Variants in PIKFYVE observed in about 807,000 individuals in gnomAD.
The protein encoded by PIKFYVE is 1-phosphatidylinositol 3-phosphate 5-kinase.
In PIKFYVE, 122 loss-of-function variants were observed where a neutral mutation model predicts 257.9. The ratio of observed to expected loss-of-function variants is 0.47; its 90% confidence interval spans 0.41 to 0.55. The LOEUF (loss-of-function observed/expected upper bound fraction) is 0.55, where lower values mean the gene tolerates loss of function less well. Among genes scored for constraint, PIKFYVE ranks in the 20% least tolerant of loss-of-function variants. PIKFYVE has a pLI of 0.00. For synonymous variants in PIKFYVE, 892 were observed against 868.9 expected (o/e 1.03, Z -0.47); for missense variants, 2,160 against 2,536.6 (o/e 0.85, Z 3.19).
At chr2:208,287,267 T>C (rs1292603556) in intron 6 of PIKFYVE, among the ~76,000 whole-genome samples, 1 of 56,230 alleles carries the variant, frequency 1.8e-5, no homozygotes, top group Non-Finnish European at 3.9e-5. Flanking sequence ...ACTTTTTCTT[T>C]TTCTTTTTTT....
At chr2:208,339,283 T>C (rs920899138) in intron 29 of PIKFYVE, 135 bp from the exon 30 acceptor site, 2 of 945,308 alleles carry the variant, frequency 2.1e-6, no homozygotes, top group Non-Finnish European at 3.3e-6. Flanking sequence ...ATGAGCTATA[T>C]GACCTAGATG....
At position 208,336,212 on chromosome 2, in the gene PIKFYVE, C is replaced by T. The variant is rs1698128109; in HGVS notation, c.4520+12C>T. The T allele has an allele frequency of 6.2e-7, 1 of 1,613,748 alleles. No individual in the cohort carries two copies. The highest frequency in any genetic ancestry group is 8.5e-7 in the Non-Finnish European group (1 of 1,179,852). On this transcript the variant is annotated intron_variant, in intron 27 of 41. Coordinates refer to ENST00000264380, the MANE Select transcript of PIKFYVE (RefSeq NM_015040.4). Reference sequence around the variant, plus strand: ...GCTTGGAATAACAGGTGTGATTTTGCAGTCTGGTTTTCTTTAATATTATTG... The same window carrying T: ...GCTTGGAATAACAGGTGTGATTTTGTAGTCTGGTTTTCTTTAATATTATTG...
chr2:208,345,468 T>C (rs1434345463), intron 33 of PIKFYVE, among the ~76,000 whole-genome samples: 1 of 152,158 alleles, frequency 6.6e-6, no homozygotes, highest in Non-Finnish European at 1.5e-5. Flanking sequence ...GAAAAGGTGT[T>C]TTTATTTAAA....
chr2:208,299,027 A>G (rs1038307090), intron 8 of PIKFYVE, among the ~76,000 whole-genome samples: 3 of 151,696 alleles, frequency 2.0e-5, no homozygotes, highest in Non-Finnish European at 2.9e-5. Flanking sequence ...TTTAGTAGAG[A>G]CATGGTTTCG....
intron 17 of PIKFYVE, among the ~76,000 whole-genome samples, chr2:208,322,912 T>G (rs1696446434): frequency 7.2e-6 from 1 of 139,064 alleles, no homozygotes; most frequent in South Asian, 2.5e-4. Context: ...GTTCTCAATG[T>G]TGAATTCCCA....
chr2:208,348,800 A>C (rs1487542330), intron 35 of PIKFYVE, among the ~76,000 whole-genome samples: 2 of 152,062 alleles, frequency 1.3e-5, no homozygotes, highest in Admixed American at 6.6e-5. Context: ...GAACTTTTTC[A>C]GAGTGAAATA....
chr2:208,276,611 A>G, intron 3 of PIKFYVE, 101 bp from the exon 4 acceptor site: 2 of 856,124 alleles, frequency 2.3e-6, no homozygotes, highest in South Asian at 2.7e-5. Context: ...GAACATAATT[A>G]TATGCCAACA....
Position 208,273,683 on chromosome 2 carries a change from C to G in PIKFYVE, c.272C>G (p.Pro91Arg). 3 of 1,614,138 alleles carry G rather than the reference C, an allele frequency of 1.9e-6. No homozygotes were observed. Among genetic ancestry groups the G allele is most frequent in the Non-Finnish European group, 2.5e-6 (3 of 1,180,024 alleles). Residue 91 changes from proline to arginine, a missense_variant, in exon 3 of 42, where the codon CCT (proline) becomes CGT (arginine). By Grantham distance (103) the Pro-to-Arg change is moderately radical. This residue lies in a region of PIKFYVE where 172 missense variants were observed against 180.6 expected (regional missense o/e 0.95). Coordinates refer to ENST00000264380, the MANE Select transcript of PIKFYVE (RefSeq NM_015040.4). ...SRTQSVRSPT[P>R]YKKQLNEELQ... The stretch of plus-strand genomic sequence containing the variant: ...ACACAGTCTGTTAGGTCACCCACAC[C>G]TTATAAAAAGCAGCTTAATGAGGAA...
At chr2:208,314,904 AAAAC>A (rs201868973) in intron 14 of PIKFYVE, among the ~76,000 whole-genome samples, 21 of 20,738 alleles carry the variant, frequency 1.0e-3, no homozygotes, top group South Asian at 7.9e-3. Context: ...TCAGAGAAAA[AAAAC>A]AAAAACAAAA....
chr2:208,301,230 C>G lies in PIKFYVE; in HGVS notation c.1208+136C>G, dbSNP rs181248011. The G allele has an allele frequency of 2.4e-5, 27 of 1,128,696 alleles. No individual in the cohort carries two copies. In the Middle Eastern group the frequency reaches 1.4e-3, roughly 59 times the overall value. 69.9% of individuals were successfully genotyped at this position (1,128,696 alleles called of 1,614,324 possible). A position where few individuals can be genotyped will look rare whatever the true frequency, so the allele number is the denominator to read the frequency against. ...TTTATGTAATTGATGGTTTAGGGTG[C>G]TAATTACTTAACCCTCCTCCAATCT... On this transcript the variant is annotated intron_variant, in intron 9 of 41. Transcript: ENST00000264380.
intron 10 of PIKFYVE, 138 bp downstream of exon 10, chr2:208,302,491 C>CT (rs1162322724): frequency 2.4e-5 from 19 of 797,008 alleles, no homozygotes; most frequent in Non-Finnish European, 3.5e-5. Flanking sequence ...AAAGTTAAAA[C>CT]TTTTTTTACT....
intron 32 of PIKFYVE, among the ~76,000 whole-genome samples, chr2:208,344,310 C>T (rs1208651705): frequency 6.6e-6 from 1 of 151,960 alleles, no homozygotes; most frequent in Non-Finnish European, 1.5e-5. Flanking sequence ...ATTGGATGTA[C>T]AGGAGTAAAT....
rs1695371400 is a variant in PIKFYVE, at chr2:208,315,307, A to G, written c.1941A>G (p.Thr647=). ...IVSLVCQVVQ[T]VRPDVKNQDD... ...CATTGGTCTGCCAGGTTGTTCAGACAGTCCGACCTGATGTCAAGAACCAGG... is the reference window on the plus strand; with the variant it reads ...CATTGGTCTGCCAGGTTGTTCAGACGGTCCGACCTGATGTCAAGAACCAGG... The change falls in exon 15 of 42, where the codon ACA becomes ACG. Residue 647 remains threonine (T), a synonymous_variant. Coordinates refer to ENST00000264380, the MANE Select transcript of PIKFYVE (RefSeq NM_015040.4). 2 of 1,614,232 alleles carry G rather than the reference A, an allele frequency of 1.2e-6. No homozygotes were observed. The highest frequency in any genetic ancestry group is 1.7e-6 in the Non-Finnish European group (2 of 1,180,032).
intron 15 of PIKFYVE, among the ~76,000 whole-genome samples, chr2:208,317,398 A>G (rs1326032842): frequency 1.3e-5 from 2 of 149,682 alleles, no homozygotes; most frequent in Non-Finnish European, 3.0e-5. Context: ...ATCACTGGCC[A>G]TCAGAGAAAT....
At chr2:208,266,834 A>T (rs1018844928) in intron 1 of PIKFYVE, among the ~76,000 whole-genome samples, 1 of 152,154 alleles carries the variant, frequency 6.6e-6, no homozygotes, top group African/African-American at 2.4e-5. Flanking sequence ...AACGATACCA[A>T]CCGTGGGGGT....
intron 2 of PIKFYVE, among the ~76,000 whole-genome samples, chr2:208,273,034 ACATTACACTTAGTTGT>A (rs1193926129): frequency 6.6e-6 from 1 of 152,202 alleles, no homozygotes; most frequent in Non-Finnish European, 1.5e-5. Flanking sequence ...TTGTCATACC[ACATTACACTTAGTTGT>A]CATAAGACAA....
intron 12 of PIKFYVE, among the ~76,000 whole-genome samples, chr2:208,306,445 G>A (rs547352117): frequency 6.6e-6 from 1 of 152,310 alleles, no homozygotes; most frequent in Admixed American, 6.5e-5. Flanking sequence ...ACATCTGTTG[G>A]CAATCACATT....
chr2:208,325,075 A>C, intron 19 of PIKFYVE, 38 bp downstream of exon 19: 3 of 1,612,894 alleles, frequency 1.9e-6, no homozygotes, highest in South Asian at 2.2e-5. Context: ...TGAGGAAAAG[A>C]GTTAACTTAT....
intron 16 of PIKFYVE, 98 bp from the exon 17 acceptor site, chr2:208,320,154 G>C (rs1696043128): frequency 6.9e-7 from 1 of 1,446,806 alleles, no homozygotes; most frequent in African/African-American, 1.4e-5. Flanking sequence ...CATTAAGTTA[G>C]TAGGAATTAT....
Sources: gnomAD v4.1 joint callset for allele counts (sites outside exome capture counted in the v4.1 genomes callset) on GRCh38, gnomAD v4.1.1 for gene constraint, gnomAD v4.1.1 regional missense constraint, MANE v1.5 for transcripts, NCBI Gene and HGNC (gene_info 2026-07-23, HGNC 2026-07-21) for gene names.